Variants in ENTREP2 observed in about 807,000 individuals in gnomAD.
ENTREP2 encodes the protein endosomal transmembrane epsin interactor 2.
the ENTREP2 span, among the ~76,000 whole-genome samples, chr15:29,579,783 T>C: frequency 7.0e-6 from 1 of 143,282 alleles, no homozygotes; most frequent in African/African-American, 2.6e-5. Flanking sequence ...CGATCTCGGC[T>C]CACTGCAAGG....
chr15:29,203,847 A>C, the ENTREP2 span, among the ~76,000 whole-genome samples: 1 of 152,318 alleles, frequency 6.6e-6, no homozygotes, highest in Middle Eastern at 3.4e-3. Flanking sequence ...ATTATCTCAT[A>C]TGATCACATC....
the ENTREP2 span, among the ~76,000 whole-genome samples, chr15:29,344,896 G>T: frequency 6.6e-6 from 1 of 151,098 alleles, no homozygotes; most frequent in African/African-American, 2.5e-5. Context: ...TCATGGTGAG[G>T]AGTCTGTGTT....
chr15:29,166,928 A>T, the ENTREP2 span, among the ~76,000 whole-genome samples: 1 of 152,236 alleles, frequency 6.6e-6, no homozygotes, highest in Non-Finnish European at 1.5e-5. Context: ...CTATACTATA[A>T]GGCCAAAGTT....
chr15:29,531,294 T>C, the ENTREP2 span, among the ~76,000 whole-genome samples: 2 of 152,194 alleles, frequency 1.3e-5, no homozygotes, highest in Admixed American at 6.5e-5. Flanking sequence ...TGCCTACTAT[T>C]CATTTTACCA....
At chr15:29,530,639 T>G in the ENTREP2 span, among the ~76,000 whole-genome samples, 1 of 152,232 alleles carries the variant, frequency 6.6e-6, no homozygotes, top group East Asian at 1.9e-4. Context: ...CCGTCATGTC[T>G]GTGGTGATGG....
At chr15:29,341,904 T>A in the ENTREP2 span, among the ~76,000 whole-genome samples, 1 of 152,026 alleles carries the variant, frequency 6.6e-6, no homozygotes, top group Non-Finnish European at 1.5e-5. Context: ...TGGAGGAAAA[T>A]TTTTTTAATT....
the ENTREP2 span, among the ~76,000 whole-genome samples, chr15:29,674,650 A>T: frequency 6.7e-6 from 1 of 150,316 alleles, no homozygotes; most frequent in African/African-American, 2.4e-5. Flanking sequence ...ATATCGAGGG[A>T]TGGAAGGGAG....
chr15:29,338,194 G>T, the ENTREP2 span, among the ~76,000 whole-genome samples: 1 of 151,896 alleles, frequency 6.6e-6, no homozygotes, highest in Non-Finnish European at 1.5e-5. Context: ...ACTGATAAGG[G>T]ACAGTTTAGG....
the ENTREP2 span, among the ~76,000 whole-genome samples, chr15:29,472,078 G>C: frequency 1.3e-5 from 2 of 152,198 alleles, no homozygotes; most frequent in African/African-American, 4.8e-5. Context: ...AAGCTGGGGA[G>C]AGGAGCACCC....
At chr15:29,151,677 G>A in the ENTREP2 span, 27 of 1,357,282 alleles carry the variant, frequency 2.0e-5, no homozygotes, top group African/African-American at 8.7e-5. Flanking sequence ...AGCCAGAAGC[G>A]TCCACTCCTA....
At chr15:29,606,342 A>C in the ENTREP2 span, among the ~76,000 whole-genome samples, 4 of 149,560 alleles carry the variant, frequency 2.7e-5, no homozygotes. Flanking sequence ...TCAAGTGATT[A>C]TCCTGCCTCA....
chr15:29,664,455 T>C, the ENTREP2 span, among the ~76,000 whole-genome samples: 1 of 152,030 alleles, frequency 6.6e-6, no homozygotes, highest in Admixed American at 6.5e-5. Flanking sequence ...TCTCTTTTTT[T>C]TTTTTTTTAG....
At chr15:29,371,890 A>G in the ENTREP2 span, among the ~76,000 whole-genome samples, 2 of 144,510 alleles carry the variant, frequency 1.4e-5, no homozygotes. Flanking sequence ...GAATTCAAGT[A>G]AGAGAAGGCA....
chr15:29,436,729 G>T, the ENTREP2 span, among the ~76,000 whole-genome samples: 4 of 152,180 alleles, frequency 2.6e-5, no homozygotes, highest in Admixed American at 1.3e-4. Flanking sequence ...AAAACAAAAT[G>T]CAAGGGAACA....
the ENTREP2 span, among the ~76,000 whole-genome samples, chr15:29,352,781 C>T: frequency 6.6e-6 from 1 of 152,180 alleles, no homozygotes; most frequent in Non-Finnish European, 1.5e-5. Flanking sequence ...TATTTTATTC[C>T]TTTTTGCTTA....
the ENTREP2 span, chr15:29,268,672 C>A: frequency 3.1e-6 from 3 of 961,168 alleles, no homozygotes; most frequent in Non-Finnish European, 4.5e-6. Context: ...CCTAAAGCTA[C>A]ACACATTGAA....
the ENTREP2 span, chr15:29,610,710 A>G: frequency 0.35 from 52,830 of 149,484 alleles, 12,426 homozygotes; most frequent in African/African-American, 0.59. Context: ...TCCCAGATTG[A>G]CCTCGTAATG....
At chr15:29,186,705 G>C in the ENTREP2 span, among the ~76,000 whole-genome samples, 1 of 152,162 alleles carries the variant, frequency 6.6e-6, no homozygotes, top group African/African-American at 2.4e-5. Context: ...TCTTCAAAAT[G>C]AGGGCATATT....
At chr15:29,451,483 C>T in the ENTREP2 span, among the ~76,000 whole-genome samples, 2 of 152,040 alleles carry the variant, frequency 1.3e-5, no homozygotes, top group Admixed American at 6.5e-5. Flanking sequence ...GTCGGGGGCG[C>T]GAGGGGCTGA....
Sources: allele counts gnomAD v4.1 joint callset (sites outside exome capture counted in the v4.1 genomes callset), GRCh38; gene constraint gnomAD v4.1.1; transcripts MANE v1.5; gene names NCBI Gene and HGNC (gene_info 2026-07-23, HGNC 2026-07-21).